SGK3: variants seen among roughly 807,000 people sequenced by gnomAD.
SGK3 encodes serum/glucocorticoid regulated kinase family member 3.
Under a neutral mutation model 68.5 loss-of-function variants are expected in SGK3, and 47 were observed. That is an observed-to-expected ratio of 0.69 (90% CI 0.54 to 0.87). The LOEUF (loss-of-function observed/expected upper bound fraction) is 0.87, where lower values mean the gene tolerates loss of function less well. Among genes scored for constraint, SGK3 ranks in the 40% least tolerant of loss-of-function variants. SGK3 has a pLI of 0.00. For missense variants in SGK3, 479 were observed against 575.5 expected (o/e 0.83, Z 1.72); for synonymous variants, 181 against 189.1 (o/e 0.96, Z 0.35).
At position 66,755,795 on chromosome 8, in the gene SGK3, A is replaced by G. The variant is rs536579650; in HGVS notation, c.-121-37821A>G. Reference sequence around the variant, plus strand: ...AACAGTTAAATGACTATTTACTTTCATTTGTATGCTAAATGATATGTATTA... The same window carrying G: ...AACAGTTAAATGACTATTTACTTTCGTTTGTATGCTAAATGATATGTATTA... On this transcript the variant is annotated intron_variant, in intron 1 of 16. Transcript: ENST00000521198. Among the ~76,000 whole-genome samples the G allele has an allele frequency of 1.2e-3, 185 of 152,314 alleles. 1 individual carries two copies. The highest frequency in any genetic ancestry group is 4.3e-3 in the African/African-American group (180 of 41,572).
chr8:66,784,196 GC>G (rs1807107522), intron 1 of SGK3, among the ~76,000 whole-genome samples: 1 of 152,030 alleles, frequency 6.6e-6, no homozygotes. Flanking sequence ...CCATCACCCG[GC>G]CTACTTTTGC....
At chr8:66,847,490 C>A in intron 15 of SGK3, 142 bp downstream of exon 15, 1 of 1,290,598 alleles carries the variant, frequency 7.7e-7, no homozygotes, top group Admixed American at 2.8e-5. Context: ...CTTGTCTCCA[C>A]AGTTTTCACC....
chr8:66,800,956 G>A (rs564962440), intron 3 of SGK3, among the ~76,000 whole-genome samples: 17 of 152,282 alleles, frequency 1.1e-4, no homozygotes, highest in Middle Eastern at 6.8e-3. Flanking sequence ...CTACACCCTT[G>A]AGACCCTGTC....
At chr8:66,791,574 G>A (rs1216290778) in intron 1 of SGK3, among the ~76,000 whole-genome samples, 22 of 152,104 alleles carry the variant, frequency 1.4e-4, no homozygotes, top group Admixed American at 1.4e-3. Context: ...GCCATTTAAT[G>A]TGCTATCTTA....
intron 1 of SGK3, among the ~76,000 whole-genome samples, chr8:66,743,061 C>T (rs966204230): frequency 3.3e-5 from 5 of 152,190 alleles, no homozygotes; most frequent in Non-Finnish European, 7.3e-5. Context: ...TCCCTGCCTC[C>T]ACCAATTCTC....
At chr8:66,742,614 A>G (rs1297848992) in intron 1 of SGK3, among the ~76,000 whole-genome samples, 1 of 152,102 alleles carries the variant, frequency 6.6e-6, no homozygotes, top group Non-Finnish European at 1.5e-5. Context: ...TGACCCTCCC[A>G]CCTCAGCCTC....
At chr8:66,844,016 A>C (rs1004212795) in intron 14 of SGK3, among the ~76,000 whole-genome samples, 4 of 151,444 alleles carry the variant, frequency 2.6e-5, no homozygotes, top group African/African-American at 9.7e-5. Context: ...AAAAAAAAAA[A>C]AAACCCTTTT....
At chr8:66,821,912 G>T (rs1808847295) in intron 5 of SGK3, among the ~76,000 whole-genome samples, 1 of 151,386 alleles carries the variant, frequency 6.6e-6, no homozygotes, top group African/African-American at 2.4e-5. Context: ...ACCAAGTATT[G>T]CCAGATTGCT....
At chr8:66,840,941 CAAAAAAA>C (rs200796293) in intron 12 of SGK3, 76 bp from the exon 13 acceptor site, 2 of 764,784 alleles carry the variant, frequency 2.6e-6, no homozygotes, top group Non-Finnish European at 3.6e-6. Context: ...GACTCTGTTT[CAAAAAAA>C]AAAAAAAAAA....
intron 2 of SGK3, among the ~76,000 whole-genome samples, chr8:66,797,208 G>A (rs373715541): frequency 5.9e-5 from 9 of 152,092 alleles, no homozygotes; most frequent in African/African-American, 1.7e-4. Context: ...TCTTCTCACC[G>A]AGTCAGCACA....
At chr8:66,831,142 G>T in intron 7 of SGK3, 112 bp from the exon 8 acceptor site, 1 of 1,252,830 alleles carries the variant, frequency 8.0e-7, no homozygotes, top group Non-Finnish European at 1.1e-6. Flanking sequence ...TTAATAGGCT[G>T]AAGTGTTTTG....
At chr8:66,857,469 G>A (rs2130763218) in intron 16 of SGK3, among the ~76,000 whole-genome samples, 1 of 152,202 alleles carries the variant, frequency 6.6e-6, no homozygotes, top group East Asian at 1.9e-4. Flanking sequence ...ACCTGAATTT[G>A]TATCCCAGTT....
At chr8:66,798,721 ATG>A in intron 3 of SGK3, 96 bp downstream of exon 3, 1 of 1,028,108 alleles carries the variant, frequency 9.7e-7, no homozygotes, top group Non-Finnish European at 1.4e-6. Context: ...TGATACTCAT[ATG>A]TTAATATGTC....
At chr8:66,797,416 CTAA>C (rs1448159755) in intron 2 of SGK3, among the ~76,000 whole-genome samples, 1 of 152,124 alleles carries the variant, frequency 6.6e-6, no homozygotes, top group African/African-American at 2.4e-5. Context: ...CAAATTAATT[CTAA>C]CATCTTACAC....
At chr8:66,812,619 T>C (rs190329157) in intron 4 of SGK3, among the ~76,000 whole-genome samples, 133 of 151,802 alleles carry the variant, frequency 8.8e-4, no homozygotes, top group Non-Finnish European at 1.4e-3. Flanking sequence ...CCACTAATAA[T>C]AACAACAACA....
At chr8:66,744,466 CAT>C (rs1269775924) in intron 1 of SGK3, among the ~76,000 whole-genome samples, 11 of 98,400 alleles carry the variant, frequency 1.1e-4, no homozygotes, top group South Asian at 3.7e-4. Flanking sequence ...AATATATATG[CAT>C]ATATGTGTGT....
At chr8:66,735,614 C>T (rs562358792) in intron 1 of SGK3, among the ~76,000 whole-genome samples, 6 of 151,210 alleles carry the variant, frequency 4.0e-5, no homozygotes, top group Non-Finnish European at 8.8e-5. Flanking sequence ...TTTTAATAGA[C>T]AGTATTAAAT....
At position 66,748,987 on chromosome 8, in the gene SGK3, C is replaced by T. The variant is rs189708060; in HGVS notation, c.-122+36154C>T. Among the ~76,000 whole-genome samples the T allele has an allele frequency of 4.0e-3, 613 of 152,194 alleles. 6 individuals carry two copies. The highest frequency in any genetic ancestry group is 0.015 in the East Asian group (77 of 5,172). On this transcript the variant is annotated intron_variant, in intron 1 of 16. Coordinates refer to ENST00000521198, the MANE Select transcript of SGK3 (RefSeq NM_001033578.3). ...TTGACCCACTGCAACCTCTGCCTCCCAGGCTCAAGCGATCCTCCCATCTCA... is the reference window on the plus strand; with the variant it reads ...TTGACCCACTGCAACCTCTGCCTCCTAGGCTCAAGCGATCCTCCCATCTCA...
At chr8:66,843,084 A>C (rs1809862013) in intron 13 of SGK3, among the ~76,000 whole-genome samples, 1 of 152,136 alleles carries the variant, frequency 6.6e-6, no homozygotes, top group Non-Finnish European at 1.5e-5. Flanking sequence ...AAAACAAAAA[A>C]ATTATTTAAG....
Sources: allele counts gnomAD v4.1 joint callset (sites outside exome capture counted in the v4.1 genomes callset), GRCh38; gene constraint gnomAD v4.1.1; transcripts MANE v1.5; gene names NCBI Gene and HGNC (gene_info 2026-07-23, HGNC 2026-07-21).